SVOP: variants seen among roughly 807,000 people sequenced by gnomAD.
SVOP encodes SV2 related protein.
In SVOP, 17 loss-of-function variants were observed where a neutral mutation model predicts 69.1. The observed-to-expected ratio is 0.25, with a 90% CI of 0.17 to 0.37. The LOEUF (loss-of-function observed/expected upper bound fraction) is 0.37, where lower values mean the gene tolerates loss of function less well. Among genes scored for constraint, SVOP ranks in the 10% least tolerant of loss-of-function variants. SVOP has a pLI of 1.00. For synonymous variants in SVOP, 238 were observed against 238.6 expected (o/e 1.00, Z 0.02); for missense variants, 435 against 597.5 (o/e 0.73, Z 2.84).
intron 6 of SVOP, among the ~76,000 whole-genome samples, chr12:108,960,208 C>T (rs1175027154): frequency 2.0e-5 from 3 of 152,158 alleles, no homozygotes; most frequent in Non-Finnish European, 4.4e-5. Context: ...TGAAAACGAC[C>T]ATAGATAATA....
At chr12:108,958,367 G>T (rs894375540) in intron 6 of SVOP, among the ~76,000 whole-genome samples, 4 of 151,360 alleles carry the variant, frequency 2.6e-5, no homozygotes, top group African/African-American at 9.7e-5. Context: ...AATGTGTTTA[G>T]AGATGCAAAT....
chr12:108,970,629 G>T (rs1253788363), intron 5 of SVOP, among the ~76,000 whole-genome samples: 3 of 152,150 alleles, frequency 2.0e-5, no homozygotes, highest in Non-Finnish European at 4.4e-5. Flanking sequence ...TTCAAAGTAT[G>T]GTCCCAAGCA....
At chr12:108,920,893 G>A (rs1318428032) in intron 12 of SVOP, among the ~76,000 whole-genome samples, 2 of 151,998 alleles carry the variant, frequency 1.3e-5, no homozygotes, top group African/African-American at 2.4e-5. Flanking sequence ...CACCATGCCC[G>A]GCCCCATTTT....
chr12:109,005,782 C>T (rs1025075775), intron 1 of SVOP, among the ~76,000 whole-genome samples: 4 of 152,046 alleles, frequency 2.6e-5, no homozygotes, highest in African/African-American at 9.7e-5. Flanking sequence ...GACAGTCCCA[C>T]ACAAATAGGG....
chr12:109,019,610 T>G (rs961995047), intron 1 of SVOP, among the ~76,000 whole-genome samples: 1 of 152,222 alleles, frequency 6.6e-6, no homozygotes, highest in African/African-American at 2.4e-5. Flanking sequence ...CATTTTTATG[T>G]ACTGTTATAT....
At chr12:109,004,764 G>C (rs1185399050) in intron 1 of SVOP, among the ~76,000 whole-genome samples, 2 of 151,286 alleles carry the variant, frequency 1.3e-5, no homozygotes, top group Non-Finnish European at 2.9e-5. Flanking sequence ...TTTAGATGGA[G>C]TCTCACTCTG....
Position 108,913,743 on chromosome 12 carries a change from G to T in SVOP, c.1441-1002C>A, listed in dbSNP as rs1245889686. On this transcript the variant is annotated intron_variant, in intron 15 of 15. Transcript: ENST00000610966. ...GGCTCACTGCAACCTCTGCCTCCCGGGTTCAAGCAATTTTTCTGCCTCAGC... is the reference window on the plus strand; with the variant it reads ...GGCTCACTGCAACCTCTGCCTCCCGTGTTCAAGCAATTTTTCTGCCTCAGC... Among the ~76,000 whole-genome samples, 5 of 152,248 alleles carry T rather than the reference G, an allele frequency of 3.3e-5. No individual in the cohort carries two copies. The East Asian group carries it at 9.7e-4, about 29-fold the overall frequency.
chr12:108,957,321 A>C (rs1388633753), intron 6 of SVOP, among the ~76,000 whole-genome samples: 2 of 151,876 alleles, frequency 1.3e-5, no homozygotes, highest in Non-Finnish European at 2.9e-5. Flanking sequence ...GTGTCACCAC[A>C]CCCAGCTAAT....
chr12:108,951,073 C>T (rs1021228488), intron 6 of SVOP, among the ~76,000 whole-genome samples: 2 of 152,176 alleles, frequency 1.3e-5, no homozygotes, highest in African/African-American at 4.8e-5. Context: ...AAAGCAAGAA[C>T]CTGTGATCTC....
intron 15 of SVOP, among the ~76,000 whole-genome samples, chr12:108,913,272 G>A (rs1009603799): frequency 3.9e-5 from 6 of 152,054 alleles, no homozygotes; most frequent in Admixed American, 3.9e-4. Context: ...TGTTGGTCAG[G>A]CTGGTCTCGA....
rs979579207 is a variant in SVOP, at chr12:108,986,784, G to T, written c.36-3023C>A. Among the ~76,000 whole-genome samples the T allele has an allele frequency of 3.7e-4, 57 of 152,144 alleles. 1 individual carries two copies. Among genetic ancestry groups the T allele is most frequent in the African/African-American group, 1.3e-3 (52 of 41,502 alleles). Reference sequence around the variant, plus strand: ...TGCTCTTCTTTGATCGGGGAGGGGGGGGTCTTTATAGGCATCATTATTTGA... The same window carrying T: ...TGCTCTTCTTTGATCGGGGAGGGGGTGGTCTTTATAGGCATCATTATTTGA... On this transcript the variant is annotated intron_variant, in intron 1 of 15. Coordinates refer to ENST00000610966, the MANE Select transcript of SVOP (RefSeq NM_018711.5).
chr12:108,937,472 C>T (rs2039863413), intron 9 of SVOP, 135 bp from the exon 10 acceptor site: 2 of 852,932 alleles, frequency 2.3e-6, no homozygotes, highest in Non-Finnish European at 3.9e-6. Flanking sequence ...CTCTGAGAAC[C>T]CAGGTCTCAA....
In SVOP at chr12:109,020,921, G is replaced by A; in HGVS notation, c.-53C>T. The A allele has an allele frequency of 1.4e-6, 1 of 707,308 alleles. No individual in the cohort carries two copies. The highest frequency in any genetic ancestry group is 2.6e-6 in the Non-Finnish European group (1 of 379,560). 43.8% of individuals were successfully genotyped at this position (707,308 alleles called of 1,614,324 possible). A position where few individuals can be genotyped will look rare whatever the true frequency, so the allele number is the denominator to read the frequency against. The stretch of plus-strand genomic sequence containing the variant: ...CTCATGGCCCTTACATGGTAGTGGT[G>A]GATGACGAGCCCTCCGGTTTTCAGC... On this transcript the variant is annotated 5_prime_UTR_variant, in exon 1 of 16. Transcript: ENST00000610966.
At chr12:108,982,836 C>CCATCAT (rs1262362678) in intron 2 of SVOP, among the ~76,000 whole-genome samples, 748 of 73,782 alleles carry the variant, frequency 0.01, 2 homozygotes, top group African/African-American at 0.016. Context: ...ATCACTGTCA[C>CCATCAT]CATCATCATC....
At chr12:108,963,082 T>C (rs1438927660) in intron 5 of SVOP, among the ~76,000 whole-genome samples, 1 of 152,156 alleles carries the variant, frequency 6.6e-6, no homozygotes, top group African/African-American at 2.4e-5. Flanking sequence ...TATATCACAA[T>C]CAATGCCAAA....
chr12:108,983,893 A>C (rs1178374912), intron 1 of SVOP, 132 bp from the exon 2 acceptor site: 10 of 397,378 alleles, frequency 2.5e-5, no homozygotes, highest in Middle Eastern at 6.3e-4. Context: ...GGGGGTTAGC[A>C]TTTCTATTGA....
chr12:108,988,125 A>G (rs1013905504), intron 1 of SVOP, among the ~76,000 whole-genome samples: 11 of 151,732 alleles, frequency 7.2e-5, no homozygotes, highest in African/African-American at 2.4e-4. Flanking sequence ...AGTTTTCACC[A>G]TGTTGGCCAG....
intron 1 of SVOP, among the ~76,000 whole-genome samples, chr12:108,998,102 A>G (rs1188916200): frequency 6.6e-6 from 1 of 152,182 alleles, no homozygotes; most frequent in Non-Finnish European, 1.5e-5. Context: ...TAACCAATAC[A>G]GAGAAGTGCT....
In SVOP at chr12:108,934,148, C is replaced by T. The variant is rs368503234; in HGVS notation, c.1048+47G>A. On this transcript the variant is annotated intron_variant, in intron 11 of 15. Transcript: ENST00000610966. ...AGTGTGTGCATGACTGTGTATGTGC[C>T]GAGGGTGTGGGAGTAGTTAGCTGGC... is the stretch of plus-strand genomic sequence containing the variant. 61 of 1,520,334 alleles carry T rather than the reference C, an allele frequency of 4.0e-5. No individual in the cohort carries two copies. In the African/African-American group the frequency reaches 4.1e-4, roughly 10 times the overall value. The allele number at this position is 1,520,334 out of a possible 1,614,324, so 94.2% of individuals were successfully genotyped here.
Sources: allele counts gnomAD v4.1 joint callset (sites outside exome capture counted in the v4.1 genomes callset), GRCh38; gene constraint gnomAD v4.1.1; transcripts MANE v1.5; gene names NCBI Gene and HGNC (gene_info 2026-07-23, HGNC 2026-07-21).